The following ZNF385D variants were observed in gnomAD, a reference collection of about 807,000 sequenced individuals.
The protein encoded by ZNF385D is zinc finger protein 659.
In ZNF385D, 15 loss-of-function variants were observed where a neutral mutation model predicts 35.8. The observed-to-expected ratio is 0.42, with a 90% confidence interval of 0.28 to 0.64. The LOEUF is 0.64. Among genes scored for constraint, ZNF385D ranks in the 30% least tolerant of loss-of-function variants. ZNF385D has a pLI of 0.23. For synonymous variants in ZNF385D, 212 were observed against 186.8 expected (o/e 1.13, Z -1.10); for missense variants, 474 against 494.6 (o/e 0.96, Z 0.39).
At chr3:21,529,211 G>T (rs919664759) in intron 3 of ZNF385D, among the ~76,000 whole-genome samples, 2 of 152,038 alleles carry the variant, frequency 1.3e-5, no homozygotes, top group African/African-American at 4.8e-5. Context: ...TGACTGTGGG[G>T]TTTTCTTACC....
intron 3 of ZNF385D, among the ~76,000 whole-genome samples, chr3:21,797,968 C>T (rs753030215): frequency 6.6e-6 from 1 of 152,158 alleles, no homozygotes; most frequent in African/African-American, 2.4e-5. Flanking sequence ...GAAGTGTATT[C>T]AAACCCATAA....
At chr3:21,814,165 C>T (rs897836259) in intron 3 of ZNF385D, among the ~76,000 whole-genome samples, 3 of 152,034 alleles carry the variant, frequency 2.0e-5, no homozygotes, top group African/African-American at 7.3e-5. Context: ...ATTTTGTCAC[C>T]AACAGGCCTG....
At chr3:22,140,742 AACAT>A (rs1704454864) in intron 3 of ZNF385D, among the ~76,000 whole-genome samples, 1 of 152,252 alleles carries the variant, frequency 6.6e-6, no homozygotes, top group African/African-American at 2.4e-5. Flanking sequence ...TTGGAAAAAT[AACAT>A]ACATTTTGTG....
At chr3:21,502,005 C>G (rs768133928) in intron 4 of ZNF385D, among the ~76,000 whole-genome samples, 2 of 152,196 alleles carry the variant, frequency 1.3e-5, no homozygotes, top group Non-Finnish European at 2.9e-5. Flanking sequence ...CACATACTCA[C>G]ATGCATATGC....
At chr3:22,195,665 C>T (rs144805306) in intron 2 of ZNF385D, among the ~76,000 whole-genome samples, 188 of 152,026 alleles carry the variant, frequency 1.2e-3, no homozygotes, top group African/African-American at 4.2e-3. Flanking sequence ...CAAAGCATGA[C>T]GATGCCAGTT....
At chr3:21,911,448 C>A (rs1308166095) in intron 3 of ZNF385D, among the ~76,000 whole-genome samples, 1 of 151,798 alleles carries the variant, frequency 6.6e-6, no homozygotes, top group African/African-American at 2.4e-5. Context: ...CTTGCTCTGC[C>A]ATCTATTAGA....
intron 2 of ZNF385D, among the ~76,000 whole-genome samples, chr3:22,217,486 C>G (rs2638134): frequency 6.6e-6 from 1 of 152,086 alleles, no homozygotes; most frequent in East Asian, 1.9e-4. Context: ...GACCTCTTAA[C>G]GAATTACCTC....
At chr3:21,773,805 G>A (rs1285961511) in intron 3 of ZNF385D, among the ~76,000 whole-genome samples, 1 of 151,790 alleles carries the variant, frequency 6.6e-6, no homozygotes, top group South Asian at 2.1e-4. Flanking sequence ...AAAAAGGAAT[G>A]CTTTTACACT....
intron 2 of ZNF385D, among the ~76,000 whole-genome samples, chr3:22,179,494 G>T (rs1196531784): frequency 6.6e-6 from 1 of 152,174 alleles, no homozygotes; most frequent in Non-Finnish European, 1.5e-5. Flanking sequence ...GGGCTGAGAC[G>T]ACGGGGTTTT....
chr3:21,468,332 G>T (rs1703654076), intron 4 of ZNF385D, among the ~76,000 whole-genome samples: 1 of 141,160 alleles, frequency 7.1e-6, no homozygotes, highest in Non-Finnish European at 1.5e-5. Flanking sequence ...AACCTGGGAG[G>T]CAGAGGTTGC....
At chr3:22,037,859 G>T (rs572418772) in intron 3 of ZNF385D, among the ~76,000 whole-genome samples, 1 of 152,202 alleles carries the variant, frequency 6.6e-6, no homozygotes. Flanking sequence ...AAAACAGCAT[G>T]GTACTGGTAC....
At chr3:22,112,783 A>G (rs1045945960) in intron 3 of ZNF385D, among the ~76,000 whole-genome samples, 10 of 152,060 alleles carry the variant, frequency 6.6e-5, no homozygotes, top group Non-Finnish European at 8.8e-5. Flanking sequence ...AGAAATACAA[A>G]CTTCATTGTT....
chr3:21,717,532 C>G (rs1466059751), intron 1 of ZNF385D, among the ~76,000 whole-genome samples: 1 of 152,180 alleles, frequency 6.6e-6, no homozygotes, highest in East Asian at 1.9e-4. Context: ...GGTTAAAATC[C>G]TTTAGAATTG....
At chr3:21,569,191 G>A (rs2063246897) in intron 2 of ZNF385D, among the ~76,000 whole-genome samples, 1 of 151,254 alleles carries the variant, frequency 6.6e-6, no homozygotes, top group South Asian at 2.1e-4. Context: ...TATTGTGTGG[G>A]AGTCTAAGTC....
chr3:21,785,182 C>G (rs1054247791), intron 3 of ZNF385D, among the ~76,000 whole-genome samples: 3 of 152,058 alleles, frequency 2.0e-5, no homozygotes, highest in Non-Finnish European at 4.4e-5. Context: ...AAGAGAGCAG[C>G]TAGAATGGAA....
chr3:21,829,450 C>T (rs1434238881), intron 3 of ZNF385D, among the ~76,000 whole-genome samples: 1 of 152,040 alleles, frequency 6.6e-6, no homozygotes, highest in East Asian at 1.9e-4. Context: ...CTTAGAGTGG[C>T]AGAGACAGGG....
At chr3:22,181,697 CAA>C (rs71620745) in intron 2 of ZNF385D, among the ~76,000 whole-genome samples, 985 of 83,684 alleles carry the variant, frequency 0.012, 4 homozygotes, top group African/African-American at 0.039. Flanking sequence ...GACTCCGTCT[CAA>C]AAAAAAAAAA....
intron 3 of ZNF385D, among the ~76,000 whole-genome samples, chr3:21,972,614 A>G (rs896737261): frequency 6.6e-6 from 1 of 151,948 alleles, no homozygotes; most frequent in Non-Finnish European, 1.5e-5. Context: ...GAAAGGTTAA[A>G]ACAATATAAA....
chr3:22,020,878 T>C (rs1246390472), intron 3 of ZNF385D, among the ~76,000 whole-genome samples: 2 of 152,116 alleles, frequency 1.3e-5, no homozygotes, highest in East Asian at 3.9e-4. Context: ...TCAATCTAAG[T>C]GTCCATGAAC....
Sources: gnomAD v4.1 joint callset for allele counts (sites outside exome capture counted in the v4.1 genomes callset) on GRCh38, gnomAD v4.1.1 for gene constraint, MANE v1.5 for transcripts, NCBI Gene and HGNC (gene_info 2026-07-23, HGNC 2026-07-21) for gene names.